The following ATP11C variants were observed in gnomAD, a reference collection of about 807,000 sequenced individuals.
The protein encoded by ATP11C is ATPase phospholipid transporting 11C (ATP11C blood group), also known as phospholipid-transporting ATPase IG.
Under a neutral mutation model 97.4 loss-of-function variants are expected in ATP11C, and 36 were observed. The ratio of observed to expected loss-of-function variants is 0.37; its 90% CI spans 0.28 to 0.49. The LOEUF (loss-of-function observed/expected upper bound fraction) is 0.49. Ranked by LOEUF, ATP11C falls within the 20% of genes least tolerant of loss-of-function variation. ATP11C has a pLI of 0.98. For missense variants in ATP11C, 730 were observed against 824.6 expected, an observed-to-expected ratio of 0.89 and a Z score of 1.40; for synonymous variants, 275 against 290.9, an observed-to-expected ratio of 0.95 and a Z score of 0.56.
chrX:139,788,873 G>A (rs1210847138), intron 13 of ATP11C, among the ~76,000 whole-genome samples: 2 of 111,889 alleles, frequency 1.8e-5, no homozygotes, highest in Non-Finnish European at 3.8e-5. Flanking sequence ...TTTCAGAAGT[G>A]TCAGTAAAAC....
chrX:139,934,224 A>G (rs2085496394), upstream of ATP11C, among the ~76,000 whole-genome samples: 1 of 111,888 alleles, frequency 8.9e-6, no homozygotes, highest in Admixed American at 9.5e-5. Flanking sequence ...AAACTCTTCA[A>G]AAACATGTTA....
chrX:139,898,616 C>G (rs887499206), intron 1 of ATP11C, among the ~76,000 whole-genome samples: 1 of 111,092 alleles, frequency 9.0e-6, no homozygotes, highest in Non-Finnish European at 1.9e-5. Flanking sequence ...ACGTTAGGTT[C>G]CAACTAAGTG....
At chrX:139,875,371 G>A (rs1363065693) in intron 1 of ATP11C, among the ~76,000 whole-genome samples, 2 of 104,362 alleles carry the variant, frequency 1.9e-5, no homozygotes, top group African/African-American at 7.1e-5. Flanking sequence ...CGAGGTGGGC[G>A]GATCGCTTGA....
At chrX:139,769,074 A>T (rs2148687061) in intron 19 of ATP11C, among the ~76,000 whole-genome samples, 1 of 105,657 alleles carries the variant, frequency 9.5e-6, no homozygotes, top group African/African-American at 3.4e-5. Context: ...TACTGGTTCT[A>T]TTTTTCTGGT....
At chrX:139,868,027 A>T (rs2148007946) in intron 1 of ATP11C, among the ~76,000 whole-genome samples, 1 of 111,867 alleles carries the variant, frequency 8.9e-6, no homozygotes, top group African/African-American at 3.2e-5. Context: ...TCACCTAGAA[A>T]GGGAATACAG....
At chrX:139,835,550 G>A (rs1173079104) in intron 1 of ATP11C, among the ~76,000 whole-genome samples, 2 of 109,094 alleles carry the variant, frequency 1.8e-5, no homozygotes, top group Non-Finnish European at 3.8e-5. Flanking sequence ...GATTACAGGC[G>A]CCCACTACCA....
At chrX:139,911,498 T>C (rs1278871282) in intron 1 of ATP11C, among the ~76,000 whole-genome samples, 1 of 111,777 alleles carries the variant, frequency 8.9e-6, no homozygotes, top group African/African-American at 3.3e-5. Flanking sequence ...TATAAATCAA[T>C]GGAAACTCAT....
intron 22 of ATP11C, 76 bp downstream of exon 22, chrX:139,761,885 G>T: frequency 1.4e-6 from 1 of 732,352 alleles, no homozygotes; most frequent in Non-Finnish European, 1.8e-6. Flanking sequence ...AAAAAAAAAG[G>T]AAGAACAAAA....
At chrX:139,930,441 TAA>T (rs2148196382) in intron 1 of ATP11C, among the ~76,000 whole-genome samples, 1 of 110,949 alleles carries the variant, frequency 9.0e-6, no homozygotes, top group South Asian at 3.8e-4. Flanking sequence ...TTTTCCACCA[TAA>T]GAGTGCCACG....
chrX:139,884,674 C>T (rs1025850856), intron 1 of ATP11C, among the ~76,000 whole-genome samples: 7 of 111,619 alleles, frequency 6.3e-5, no homozygotes, highest in African/African-American at 2.3e-4. Flanking sequence ...TAGTAAATAC[C>T]TTGTGTTATT....
chrX:139,786,712 G>C (rs1339562325), intron 15 of ATP11C, among the ~76,000 whole-genome samples: 1 of 112,453 alleles, frequency 8.9e-6, no homozygotes, highest in Non-Finnish European at 1.9e-5. Context: ...GAAGACACTG[G>C]AGCATCAGAG....
At chrX:139,888,812 G>A (rs2485725) in intron 1 of ATP11C, among the ~76,000 whole-genome samples, 19,576 of 102,665 alleles carry the variant, frequency 0.19, 3,067 homozygotes, top group African/African-American at 0.51. Flanking sequence ...CCTGAACACA[G>A]TTTTTTTTTT....
At chrX:139,848,527 T>A (rs1007991782) in intron 1 of ATP11C, among the ~76,000 whole-genome samples, 4 of 109,814 alleles carry the variant, frequency 3.6e-5, no homozygotes, top group African/African-American at 1.3e-4. Context: ...TCTCACTATG[T>A]TGCCCAGGTT....
intron 1 of ATP11C, among the ~76,000 whole-genome samples, chrX:139,930,024 C>T (rs1197501851): frequency 1.8e-5 from 2 of 111,796 alleles, no homozygotes; most frequent in South Asian, 3.7e-4. Context: ...TCCAGCTTAC[C>T]GCACTGGTAC....
chrX:139,778,323 A>C (rs1369577970), intron 18 of ATP11C, among the ~76,000 whole-genome samples: 1 of 112,111 alleles, frequency 8.9e-6, no homozygotes. Context: ...CTCTAAACAC[A>C]GAAACAAACG....
chrX:139,861,096 A>G, intron 1 of ATP11C, among the ~76,000 whole-genome samples: 1 of 112,237 alleles, frequency 8.9e-6, no homozygotes, highest in African/African-American at 3.2e-5. Context: ...GACACAGAAT[A>G]TGGGACTGTG....
intron 1 of ATP11C, among the ~76,000 whole-genome samples, chrX:139,851,519 A>T (rs1447333148): frequency 8.9e-6 from 1 of 112,032 alleles, no homozygotes; most frequent in Non-Finnish European, 1.9e-5. Flanking sequence ...CAGCACAGAG[A>T]GTCCTCAATA....
intron 14 of ATP11C, 122 bp from the exon 15 acceptor site, chrX:139,787,366 C>T (rs182660331): frequency 6.3e-6 from 3 of 473,187 alleles, no homozygotes; most frequent in African/African-American, 2.6e-5. Flanking sequence ...GGCGCGATCT[C>T]GGCTCACTGC....
intron 18 of ATP11C, among the ~76,000 whole-genome samples, chrX:139,781,707 ACT>A (rs1460774717): frequency 9.0e-6 from 1 of 111,208 alleles, no homozygotes; most frequent in Non-Finnish European, 1.9e-5. Context: ...ACAGAGCAAG[ACT>A]CTGTCTCAAA....
Sources: allele counts gnomAD v4.1 joint callset (sites outside exome capture counted in the v4.1 genomes callset), GRCh38; gene constraint gnomAD v4.1.1; transcripts MANE v1.5; gene names NCBI Gene and HGNC (gene_info 2026-07-23, HGNC 2026-07-21).